The following EPHA6 variants were observed in gnomAD, a reference collection of about 807,000 sequenced individuals.
EPHA6 encodes ephrin type-A receptor 6.
A neutral mutation model predicts 112.0 loss-of-function variants in EPHA6; 50 were observed. That is an observed-to-expected ratio of 0.45 (90% confidence interval 0.36 to 0.56). The LOEUF is 0.56. Ranked by LOEUF, EPHA6 falls within the 20% of genes least tolerant of loss-of-function variation. The probability of loss-of-function intolerance (pLI) is 0.00; values close to 1 mark genes in which losing one functional copy is unlikely to be tolerated. For missense variants in EPHA6, 1,280 were observed against 1,417.4 expected (o/e 0.90, Z 1.56); for synonymous variants, 529 against 490.7 (o/e 1.08, Z -1.03).
At chr3:96,851,845 G>A (rs572618102) in intron 1 of EPHA6, among the ~76,000 whole-genome samples, 1 of 152,214 alleles carries the variant, frequency 6.6e-6, no homozygotes, top group South Asian at 2.1e-4. Flanking sequence ...AAAAAAAAAC[G>A]CTTGCAGGAT....
intron 3 of EPHA6, among the ~76,000 whole-genome samples, chr3:97,169,617 A>T (rs1273146449): frequency 6.6e-6 from 1 of 152,152 alleles, no homozygotes; most frequent in Non-Finnish European, 1.5e-5. Flanking sequence ...TTTGCAGATG[A>T]AAAGAATTAT....
At chr3:97,162,295 A>G (rs575819856) in intron 3 of EPHA6, among the ~76,000 whole-genome samples, 1 of 152,260 alleles carries the variant, frequency 6.6e-6, no homozygotes, top group South Asian at 2.1e-4. Context: ...CAATTCTAGT[A>G]CCTTCCATTT....
chr3:97,296,620 G>A (rs1399187580), intron 5 of EPHA6, among the ~76,000 whole-genome samples: 1 of 152,178 alleles, frequency 6.6e-6, no homozygotes, highest in Non-Finnish European at 1.5e-5. Flanking sequence ...TTTATTCCCA[G>A]CAGCAGCAGT....
chr3:97,658,625 C>T (rs527994783), intron 14 of EPHA6, among the ~76,000 whole-genome samples: 19 of 151,974 alleles, frequency 1.3e-4, no homozygotes, highest in African/African-American at 3.6e-4. Flanking sequence ...ATATACCTTA[C>T]GGGAAATAGA....
intron 3 of EPHA6, among the ~76,000 whole-genome samples, chr3:97,102,733 C>G (rs528591336): frequency 6.6e-5 from 10 of 151,990 alleles, no homozygotes; most frequent in African/African-American, 2.4e-4. Context: ...AATTTACACC[C>G]CCACCAGCAA....
chr3:97,228,186 G>A (rs978504910), intron 4 of EPHA6, among the ~76,000 whole-genome samples: 4 of 152,076 alleles, frequency 2.6e-5, no homozygotes, highest in African/African-American at 9.7e-5. Context: ...TATAACAATA[G>A]TTTTTGGGGA....
chr3:96,974,854 T>C (rs979636886), intron 2 of EPHA6, among the ~76,000 whole-genome samples: 1 of 152,162 alleles, frequency 6.6e-6, no homozygotes, highest in Non-Finnish European at 1.5e-5. Flanking sequence ...AAGACATACA[T>C]GTTGAATACA....
At chr3:97,327,885 G>GTA (rs961311342) in intron 5 of EPHA6, among the ~76,000 whole-genome samples, 2 of 146,700 alleles carry the variant, frequency 1.4e-5, no homozygotes, top group East Asian at 2.0e-4. Flanking sequence ...GTATATGTGT[G>GTA]TATATATATG....
intron 3 of EPHA6, among the ~76,000 whole-genome samples, chr3:97,079,385 G>A (rs1043084156): frequency 6.6e-6 from 1 of 152,014 alleles, no homozygotes; most frequent in Non-Finnish European, 1.5e-5. Context: ...TCTTAAAAGT[G>A]GGAACTAAAT....
intron 2 of EPHA6, among the ~76,000 whole-genome samples, chr3:96,982,732 G>T (rs35968810): frequency 6.6e-6 from 1 of 152,298 alleles, no homozygotes; most frequent in African/African-American, 2.4e-5. Flanking sequence ...ATGAATCTGT[G>T]TGCTTCTGTA....
chr3:97,547,132 AG>A (rs2092962349), intron 11 of EPHA6, among the ~76,000 whole-genome samples: 2 of 152,110 alleles, frequency 1.3e-5, no homozygotes, highest in Admixed American at 6.6e-5. Flanking sequence ...CTGGAAGAGG[AG>A]AGGTGCTCTG....
At chr3:97,365,483 C>T (rs979706153) in intron 5 of EPHA6, among the ~76,000 whole-genome samples, 1 of 151,996 alleles carries the variant, frequency 6.6e-6, no homozygotes, top group Non-Finnish European at 1.5e-5. Flanking sequence ...CTCTGACTCC[C>T]TGGTTCAGGG....
At chr3:97,609,328 T>G (rs1465283117) in intron 12 of EPHA6, among the ~76,000 whole-genome samples, 1 of 151,438 alleles carries the variant, frequency 6.6e-6, no homozygotes, top group Non-Finnish European at 1.5e-5. Context: ...TCTATCAGTC[T>G]CCTACCTCCA....
chr3:96,938,892 A>G (rs974681787), intron 2 of EPHA6, among the ~76,000 whole-genome samples: 2 of 152,228 alleles, frequency 1.3e-5, no homozygotes, highest in African/African-American at 4.8e-5. Context: ...GGTTCTGTTT[A>G]CATGCTGGAT....
chr3:96,967,059 T>C (rs1247656360), intron 2 of EPHA6, among the ~76,000 whole-genome samples: 12 of 151,772 alleles, frequency 7.9e-5, no homozygotes, highest in Admixed American at 7.9e-4. Context: ...ATCTAAACAT[T>C]CATAAGTCAT....
intron 3 of EPHA6, among the ~76,000 whole-genome samples, chr3:97,181,941 A>G (rs752040328): frequency 3.9e-5 from 6 of 152,040 alleles, no homozygotes; most frequent in Admixed American, 2.6e-4. Flanking sequence ...ATTATGATTC[A>G]TCTGGGAGCC....
intron 11 of EPHA6, among the ~76,000 whole-genome samples, chr3:97,575,638 T>C (rs1359861784): frequency 6.6e-6 from 1 of 152,198 alleles, no homozygotes; most frequent in Non-Finnish European, 1.5e-5. Flanking sequence ...ATAGTTTGTG[T>C]ATTATAGTGT....
chr3:97,481,475 A>G, intron 9 of EPHA6: 2 of 1,221,852 alleles, frequency 1.6e-6, no homozygotes, highest in South Asian at 2.4e-5. Flanking sequence ...AGAGGCAATA[A>G]GGAAGGCACA....
chr3:97,694,541 A>C (rs2032903051), intron 14 of EPHA6, among the ~76,000 whole-genome samples: 1 of 152,180 alleles, frequency 6.6e-6, no homozygotes. Flanking sequence ...CCAGCCTGTG[A>C]GTCCCTTTCA....
Sources: gnomAD v4.1 joint callset for allele counts (sites outside exome capture counted in the v4.1 genomes callset) on GRCh38, gnomAD v4.1.1 for gene constraint, MANE v1.5 for transcripts, NCBI Gene and HGNC (gene_info 2026-07-23, HGNC 2026-07-21) for gene names.